The following INTS2 variants were observed in gnomAD, a reference collection of about 807,000 sequenced individuals.
The protein encoded by INTS2 is KIAA1287.
A neutral mutation model predicts 139.6 loss-of-function variants in INTS2; 57 were observed. That is an observed-to-expected ratio of 0.41 (90% confidence interval 0.33 to 0.51). INTS2 has a LOEUF of 0.51. Ranked by LOEUF, INTS2 falls within the 20% of genes least tolerant of loss-of-function variation. The pLI is 0.28. For synonymous variants in INTS2, 473 were observed against 493.4 expected (o/e 0.96, Z 0.55); for missense variants, 1,196 against 1,436.7 (o/e 0.83, Z 2.71).
intron 5 of INTS2, among the ~76,000 whole-genome samples, chr17:61,914,698 G>A (rs2079561590): frequency 2.3e-5 from 3 of 127,868 alleles, no homozygotes; most frequent in Admixed American, 1.6e-4. Context: ...GTGAGACTCC[G>A]TCTCAAAAAA....
chr17:61,913,065 G>A lies in INTS2; in HGVS notation c.650-995C>T, dbSNP rs112343637. 3.4e-4 allele frequency among the ~76,000 whole-genome samples: 51 copies of A among 152,206 alleles called. 2 individuals are homozygous for A. The highest frequency in any genetic ancestry group is 1.2e-3 in the African/African-American group (48 of 41,534). On this transcript the variant is annotated intron_variant, in intron 5 of 24. Transcript: ENST00000251334. The stretch of plus-strand genomic sequence containing the variant: ...CACTTCAGCCTGGGTGACACAGCAA[G>A]ACTCCATCTCCAAAAAAGAGAAAAA...
chr17:61,908,142 C>T (rs2079485065), intron 7 of INTS2, among the ~76,000 whole-genome samples: 1 of 152,138 alleles, frequency 6.6e-6, no homozygotes, highest in African/African-American at 2.4e-5. Context: ...TGGCCTGATG[C>T]AGTGGTTCAC....
chr17:61,891,389 A>C, intron 14 of INTS2, 124 bp downstream of exon 14: 2 of 755,364 alleles, frequency 2.6e-6, no homozygotes, highest in Non-Finnish European at 4.3e-6. Flanking sequence ...ATCTAAGGAA[A>C]TTTAATCTAA....
rs960427993 is a variant in INTS2, at chr17:61,873,508, T to G, written c.2583-1048A>C. 1.4e-4 allele frequency among the ~76,000 whole-genome samples: 21 copies of G among 152,346 alleles called. 1 individual carries two copies. In the South Asian group the frequency reaches 3.9e-3, roughly 29 times the overall value. On this transcript the variant is annotated intron_variant, in intron 19 of 24. Transcript: ENST00000251334. This position sits in a 1 kb window ranked among gnomAD's most constrained non-coding sequence, Gnocchi z 4.0. ...TAAAAACTGAATCACCTAAGGTGAT[T>G]CAGGTGTAAGCTCACCTATTTCAGT...
chr17:61,902,175 G>A (rs1361239843), intron 9 of INTS2, among the ~76,000 whole-genome samples: 1 of 151,978 alleles, frequency 6.6e-6, no homozygotes, highest in Non-Finnish European at 1.5e-5. Flanking sequence ...TTATCCCTAG[G>A]GTTTTGAAAT....
intron 4 of INTS2, among the ~76,000 whole-genome samples, chr17:61,920,293 T>C (rs1227560183): frequency 2.0e-5 from 3 of 150,086 alleles, no homozygotes; most frequent in Admixed American, 1.3e-4. Flanking sequence ...GCGATTCTCC[T>C]GCCTCAGCCG....
At position 61,886,056 on chromosome 17, in the gene INTS2, A is replaced by G. The variant is rs1239044411; in HGVS notation, c.1985-1051T>C. Among the ~76,000 whole-genome samples, 3 of 148,444 alleles carry G rather than the reference A, an allele frequency of 2.0e-5. No homozygotes were observed. The Admixed American group carries it at 2.0e-4, about 10-fold the overall frequency. On this transcript the variant is annotated intron_variant, in intron 15 of 24. Coordinates refer to ENST00000251334, the MANE Select transcript of INTS2 (RefSeq NM_001351695.2). ...TATTATATACAATAGTGGTGACTAA[A>G]TCTTTTTTTTTCCCTGAGATGAGTC...
chr17:61,887,019 G>C (rs571047905), intron 15 of INTS2, among the ~76,000 whole-genome samples: 5 of 152,088 alleles, frequency 3.3e-5, no homozygotes, highest in Non-Finnish European at 7.4e-5. Context: ...TAAAACAATA[G>C]TTATAGGTTC....
In INTS2 at chr17:61,927,835, T is replaced by A. The variant is rs2079733872; in HGVS notation, c.-200A>T. ...AACTCAGACGCCGGGACCAACCGGG[T>A]TGTCGATACAAAGTGGGAAGGATGG... On this transcript the variant is annotated 5_prime_UTR_variant, in exon 1 of 25. Transcript: ENST00000251334. 6.2e-7 allele frequency: 1 copy of A among 1,608,150 alleles called. No individual in the cohort carries two copies. The highest frequency in any genetic ancestry group is 1.1e-5 in the South Asian group (1 of 90,490).
At chr17:61,879,029 T>G (rs1567891634) in intron 17 of INTS2, among the ~76,000 whole-genome samples, 1 of 150,616 alleles carries the variant, frequency 6.6e-6, no homozygotes, top group African/African-American at 2.4e-5. Flanking sequence ...TTATTTTTTT[T>G]CATTTTAGAG....
chr17:61,913,059 C>G (rs945066762), intron 5 of INTS2, among the ~76,000 whole-genome samples: 3 of 148,736 alleles, frequency 2.0e-5, no homozygotes, highest in African/African-American at 2.5e-5. Flanking sequence ...CTGGGTGACA[C>G]AGCAAGACTC....
At chr17:61,906,691 A>C (rs12941152) in intron 8 of INTS2, among the ~76,000 whole-genome samples, 24,703 of 152,028 alleles carry the variant, frequency 0.16, 2,134 homozygotes, top group Middle Eastern at 0.32. Context: ...GGTGACTAAG[A>C]AACATTGTAC....
chr17:61,912,931 C>T lies in INTS2; in HGVS notation c.650-861G>A, dbSNP rs574410541. 2.6e-5 allele frequency among the ~76,000 whole-genome samples: 4 copies of T among 152,080 alleles called. No individual in the cohort carries two copies. In the East Asian group the frequency reaches 7.8e-4, roughly 29 times the overall value. On this transcript the variant is annotated intron_variant, in intron 5 of 24. Transcript: ENST00000251334. ...TCTCTACTAAAAATACAAAAATTAG[C>T]TGGGTGTGGTAATGCGCACCTATAG...
chr17:61,919,273 C>A (rs770748131), intron 5 of INTS2, 127 bp downstream of exon 5: 3 of 583,908 alleles, frequency 5.1e-6, no homozygotes, highest in Non-Finnish European at 9.3e-6. Context: ...TTTATACATA[C>A]TAACAAACTT....
At position 61,909,258 on chromosome 17, in the gene INTS2, C is replaced by T. The variant is rs1029283478; in HGVS notation, c.955-1624G>A. ...TCCCGAGTAGCTGGGACTACAGGCA[C>T]GCACATCACGCTCAGCTAATTTTTG... On this transcript the variant is annotated intron_variant, in intron 7 of 24. Transcript: ENST00000251334. This position sits in a 1 kb window ranked among gnomAD's most constrained non-coding sequence, Gnocchi z 4.9. 3.9e-5 allele frequency among the ~76,000 whole-genome samples: 6 copies of T among 151,952 alleles called. No individual in the cohort carries two copies. Among genetic ancestry groups the T allele is most frequent in the Non-Finnish European group, 8.8e-5 (6 of 67,998 alleles).
At position 61,869,254 on chromosome 17, in the gene INTS2, G is replaced by C. The variant is rs1251252675; in HGVS notation, c.3138+19C>G. On this transcript the variant is annotated intron_variant, in intron 22 of 24. Transcript: ENST00000251334. This position sits in a 1 kb window ranked among gnomAD's most constrained non-coding sequence, Gnocchi z 5.4. The stretch of plus-strand genomic sequence containing the variant: ...GGAGAGAGAGATCAATTGTCCTAAA[G>C]CTCCAAAATGCTCATTACCTGTTTC... 2 of 1,546,290 alleles carry C rather than the reference G, an allele frequency of 1.3e-6. No homozygotes were observed. The highest frequency in any genetic ancestry group is 2.7e-5 in the African/African-American group (2 of 73,306).
chr17:61,867,797 T>C lies in INTS2; in HGVS notation c.3421+36A>G, dbSNP rs745707552. The C allele has an allele frequency of 3.8e-6, 6 of 1,563,356 alleles. No individual in the cohort carries two copies. The East Asian group carries it at 1.1e-4, about 29-fold the overall frequency. On this transcript the variant is annotated intron_variant, in intron 24 of 24. Coordinates refer to ENST00000251334, the MANE Select transcript of INTS2 (RefSeq NM_001351695.2). This position sits in a 1 kb window ranked among gnomAD's most constrained non-coding sequence, Gnocchi z 5.6. ...AGGAATTTGGCCTTTTTGTTTGAGA[T>C]ATTAAGATAACCCTTGAAAATAAGT...
Position 61,871,672 on chromosome 17 carries a change from G to A in INTS2, c.2778+593C>T, listed in dbSNP as rs1249961356. Among the ~76,000 whole-genome samples the A allele has an allele frequency of 1.3e-5, 2 of 152,076 alleles. No homozygotes were observed. The highest frequency in any genetic ancestry group is 2.9e-5 in the Non-Finnish European group (2 of 68,016). On this transcript the variant is annotated intron_variant, in intron 20 of 24. Coordinates refer to ENST00000251334, the MANE Select transcript of INTS2 (RefSeq NM_001351695.2). The surrounding 1 kb of genome is among the most constrained non-coding windows in gnomAD (Gnocchi z 4.9). ...AATGAGGCCGGGTGCCGTGGCTCAT[G>A]CCTGTAATCCCAGCACTTTGGGAAG...
Position 61,871,409 on chromosome 17 carries a change from A to G in INTS2, c.2778+856T>C, listed in dbSNP as rs1165359495. Among the ~76,000 whole-genome samples, 2 of 152,288 alleles carry G rather than the reference A, an allele frequency of 1.3e-5. No individual in the cohort carries two copies. The highest frequency in any genetic ancestry group is 3.9e-4 in the East Asian group (2 of 5,182). The stretch of plus-strand genomic sequence containing the variant: ...AGTGCTGGGATTATAGGCATGAGCA[A>G]CCATGCCTGGCCAAAAAACTTTTCT... On this transcript the variant is annotated intron_variant, in intron 20 of 24. Transcript: ENST00000251334. This position sits in a 1 kb window ranked among gnomAD's most constrained non-coding sequence, Gnocchi z 4.9.
Sources: gnomAD v4.1 joint callset for allele counts (sites outside exome capture counted in the v4.1 genomes callset) on GRCh38, gnomAD v4.1.1 for gene constraint, Gnocchi (gnomAD v3.1) non-coding constraint, MANE v1.5 for transcripts, NCBI Gene and HGNC (gene_info 2026-07-23, HGNC 2026-07-21) for gene names.